The following RSRC1 variants were observed in gnomAD, a reference collection of about 807,000 sequenced individuals.
RSRC1 encodes the protein arginine and serine rich coiled-coil 1.
A neutral mutation model predicts 49.1 loss-of-function variants in RSRC1; 39 were observed. That is an observed-to-expected ratio of 0.79 (90% CI 0.61 to 1.04). The LOEUF (loss-of-function observed/expected upper bound fraction) is 1.04. RSRC1 is among the 50% of genes least tolerant of loss of function. The probability of loss-of-function intolerance (pLI) is 0.00; values close to 1 mark genes in which losing one functional copy is unlikely to be tolerated. For synonymous variants in RSRC1, 143 were observed against 130.8 expected, an observed-to-expected ratio of 1.09 and a Z score of -0.63; for missense variants, 388 against 402.4, an observed-to-expected ratio of 0.96 and a Z score of 0.31.
At chr3:158,519,989 T>TG (rs987028585) in intron 7 of RSRC1, among the ~76,000 whole-genome samples, 2 of 151,878 alleles carry the variant, frequency 1.3e-5, no homozygotes, top group Admixed American at 1.3e-4. Flanking sequence ...GGAAGCCAAA[T>TG]GAAAAAAAAG....
At chr3:158,267,972 A>T (rs1017237107) in intron 4 of RSRC1, among the ~76,000 whole-genome samples, 5 of 151,252 alleles carry the variant, frequency 3.3e-5, no homozygotes, top group African/African-American at 1.2e-4. Flanking sequence ...ACCTGAAACT[A>T]TAAAGATCCT....
chr3:158,386,834 A>G (rs1031627661), intron 6 of RSRC1, among the ~76,000 whole-genome samples: 5 of 152,060 alleles, frequency 3.3e-5, no homozygotes, highest in Non-Finnish European at 7.4e-5. Flanking sequence ...ACCAAAAAAA[A>G]AAAAAAGATA....
intron 5 of RSRC1, among the ~76,000 whole-genome samples, chr3:158,352,214 G>T (rs993879052): frequency 7.2e-5 from 11 of 152,018 alleles, no homozygotes; most frequent in African/African-American, 2.7e-4. Context: ...CAACACTGCA[G>T]TGAGCCATGA....
intron 7 of RSRC1, among the ~76,000 whole-genome samples, chr3:158,472,347 G>A (rs563062747): frequency 1.3e-5 from 2 of 152,144 alleles, no homozygotes; most frequent in Admixed American, 1.3e-4. Flanking sequence ...AACTTCTAAA[G>A]CATCATGTTT....
At chr3:158,222,327 A>G (rs827102) in intron 4 of RSRC1, among the ~76,000 whole-genome samples, 79,777 of 151,200 alleles carry the variant, frequency 0.53, 21,452 homozygotes, top group East Asian at 0.76. Context: ...CAAGCCAAGC[A>G]ACATATTGTA....
intron 7 of RSRC1, among the ~76,000 whole-genome samples, chr3:158,492,512 C>T (rs1739127228): frequency 1.3e-5 from 2 of 152,102 alleles, no homozygotes; most frequent in South Asian, 4.1e-4. Context: ...GGAAATTGTT[C>T]TAAACATCTT....
At chr3:158,176,756 A>T (rs369895390) in intron 3 of RSRC1, among the ~76,000 whole-genome samples, 2 of 152,226 alleles carry the variant, frequency 1.3e-5, no homozygotes, top group African/African-American at 4.8e-5. Flanking sequence ...CATGACTAAA[A>T]CACCAAACGC....
intron 4 of RSRC1, among the ~76,000 whole-genome samples, chr3:158,273,106 A>C (rs1725612103): frequency 6.6e-6 from 1 of 152,078 alleles, no homozygotes; most frequent in Admixed American, 6.6e-5. Context: ...CCCCTCTGTC[A>C]TTATGCTTCT....
intron 5 of RSRC1, among the ~76,000 whole-genome samples, chr3:158,331,813 G>T (rs1729563497): frequency 6.7e-6 from 1 of 149,140 alleles, no homozygotes; most frequent in Non-Finnish European, 1.5e-5. Context: ...TTTCATTTTG[G>T]TATAGTGGTC....
intron 4 of RSRC1, among the ~76,000 whole-genome samples, chr3:158,223,241 G>A (rs1722324445): frequency 6.6e-6 from 1 of 151,480 alleles, no homozygotes. Context: ...CCACTCCTCT[G>A]ATGTCTTTTG....
chr3:158,304,614 T>G (rs186121127), intron 5 of RSRC1, among the ~76,000 whole-genome samples: 138 of 152,278 alleles, frequency 9.1e-4, no homozygotes, highest in Admixed American at 3.2e-3. Context: ...ACCTATATAC[T>G]CAATAAATTT....
At chr3:158,216,406 G>A (rs698983) in intron 4 of RSRC1, among the ~76,000 whole-genome samples, 97,964 of 151,004 alleles carry the variant, frequency 0.65, 32,057 homozygotes, top group East Asian at 0.84. Flanking sequence ...TATTTTTGAA[G>A]TTCTAATTTT....
chr3:158,174,707 C>T (rs1452838928), intron 3 of RSRC1, among the ~76,000 whole-genome samples: 3 of 151,998 alleles, frequency 2.0e-5, no homozygotes, highest in Non-Finnish European at 2.9e-5. Flanking sequence ...AGCTCTCATT[C>T]ATCATTGTAC....
At chr3:158,154,547 C>T (rs2108216181) in intron 3 of RSRC1, among the ~76,000 whole-genome samples, 1 of 150,932 alleles carries the variant, frequency 6.6e-6, no homozygotes, top group South Asian at 2.1e-4. Context: ...TCACTGCAAC[C>T]TCTGCCTCCC....
intron 6 of RSRC1, among the ~76,000 whole-genome samples, chr3:158,424,010 G>A (rs1161813429): frequency 3.5e-4 from 52 of 150,440 alleles, no homozygotes; most frequent in Non-Finnish European, 5.2e-4. Flanking sequence ...CAATCATGTC[G>A]TCTGCAAACA....
intron 3 of RSRC1, among the ~76,000 whole-genome samples, chr3:158,172,880 C>T (rs1718958793): frequency 6.6e-6 from 1 of 152,074 alleles, no homozygotes; most frequent in Non-Finnish European, 1.5e-5. Context: ...GTTGTGAAAA[C>T]TTTTCATCTG....
At position 158,227,005 on chromosome 3, in the gene RSRC1, A is replaced by G. The variant is rs938630695; in HGVS notation, c.494+23760A>G. ...ATTAAGTTAAATGTAAATTAATTTAATATTATTTATAATTAAATGAAAGAG... is the reference window on the plus strand; with the variant it reads ...ATTAAGTTAAATGTAAATTAATTTAGTATTATTTATAATTAAATGAAAGAG... On this transcript the variant is annotated intron_variant, in intron 4 of 9. Coordinates refer to ENST00000611884, the MANE Select transcript of RSRC1 (RefSeq NM_001271838.2). 1.3e-5 allele frequency among the ~76,000 whole-genome samples: 2 copies of G among 151,872 alleles called. 1 individual carries two copies. The highest frequency in any genetic ancestry group is 4.1e-4 in the South Asian group (2 of 4,830).
rs553816981 is a variant in RSRC1, at chr3:158,308,993, A to T, written c.531+10918A>T. On this transcript the variant is annotated intron_variant, in intron 5 of 9. Coordinates refer to ENST00000611884, the MANE Select transcript of RSRC1 (RefSeq NM_001271838.2). The stretch of plus-strand genomic sequence containing the variant: ...CTTCATGCACAATTGTCAGAGCTGT[A>T]CATATGTAATGGTCCCCATCATTAT... 5.3e-5 allele frequency among the ~76,000 whole-genome samples: 8 copies of T among 152,048 alleles called. No individual in the cohort carries two copies. The East Asian group carries it at 1.4e-3, about 26-fold the overall frequency.
intron 3 of RSRC1, among the ~76,000 whole-genome samples, chr3:158,142,397 G>C (rs1716802439): frequency 6.6e-6 from 1 of 152,172 alleles, no homozygotes; most frequent in South Asian, 2.1e-4. Flanking sequence ...GTTCATTGTG[G>C]AGTACTTTTG....
Sources: allele counts gnomAD v4.1 joint callset (sites outside exome capture counted in the v4.1 genomes callset), GRCh38; gene constraint gnomAD v4.1.1; transcripts MANE v1.5; gene names NCBI Gene and HGNC (gene_info 2026-07-23, HGNC 2026-07-21).